The following DLGAP2 variants were observed in gnomAD, a reference collection of about 807,000 sequenced individuals.
DLGAP2 encodes disks large-associated protein 2.
DLGAP2 carries 26 observed loss-of-function variants against 100.3 expected under a neutral mutation model. The ratio of observed to expected loss-of-function variants is 0.26; its 90% CI spans 0.19 to 0.36. The LOEUF (loss-of-function observed/expected upper bound fraction) is 0.36, where lower values mean the gene tolerates loss of function less well. DLGAP2 is among the 10% of genes least tolerant of loss of function. DLGAP2 has a pLI of 1.00. For missense variants in DLGAP2, 1,858 were observed against 1,453.2 expected, an observed-to-expected ratio of 1.28 and a Z score of -4.53; for synonymous variants, 886 against 630.1, an observed-to-expected ratio of 1.41 and a Z score of -6.08.
chr8:1,189,881 G>C (rs1178395184), intron 2 of DLGAP2, among the ~76,000 whole-genome samples: 3 of 152,224 alleles, frequency 2.0e-5, no homozygotes, highest in Non-Finnish European at 2.9e-5. Flanking sequence ...AATCACAGAG[G>C]TGATGGGGGA....
intron 3 of DLGAP2, among the ~76,000 whole-genome samples, chr8:1,308,482 A>G (rs943783453): frequency 2.6e-5 from 4 of 152,174 alleles, no homozygotes; most frequent in Admixed American, 2.6e-4. Flanking sequence ...CATATAAAAA[A>G]CAGGAAAGTA....
intron 3 of DLGAP2, among the ~76,000 whole-genome samples, chr8:1,326,980 C>G (rs1477697005): frequency 6.6e-6 from 1 of 152,236 alleles, no homozygotes; most frequent in African/African-American, 2.4e-5. Flanking sequence ...AGCAATGACA[C>G]AGGCCTTGGG....
chr8:1,076,189 C>T (rs775676851), intron 2 of DLGAP2, among the ~76,000 whole-genome samples: 5 of 152,210 alleles, frequency 3.3e-5, no homozygotes, highest in African/African-American at 9.6e-5. Flanking sequence ...GTGAACCTGA[C>T]GTTCTCCGCC....
intron 2 of DLGAP2, among the ~76,000 whole-genome samples, chr8:1,159,289 T>C (rs991842619): frequency 7.2e-5 from 11 of 152,228 alleles, no homozygotes; most frequent in Admixed American, 6.5e-4. Flanking sequence ...CTCCTGTTGT[T>C]TAATCCTTTA....
At chr8:1,139,699 T>G (rs1268649232) in intron 2 of DLGAP2, among the ~76,000 whole-genome samples, 1 of 152,106 alleles carries the variant, frequency 6.6e-6, no homozygotes, top group Non-Finnish European at 1.5e-5. Context: ...CCTAGAACTG[T>G]GGCACCCGAC....
At chr8:1,225,032 A>C (rs1403593698) in intron 2 of DLGAP2, among the ~76,000 whole-genome samples, 1 of 152,254 alleles carries the variant, frequency 6.6e-6, no homozygotes, top group Admixed American at 6.5e-5. Flanking sequence ...AAAAGAGTTT[A>C]AGTTTTCACT....
At chr8:1,488,187 C>G (rs911384624) in intron 3 of DLGAP2, among the ~76,000 whole-genome samples, 2 of 152,154 alleles carry the variant, frequency 1.3e-5, no homozygotes, top group African/African-American at 4.8e-5. Flanking sequence ...GTCCTCCCCA[C>G]ACTGTCCTCC....
chr8:1,024,848 G>A (rs993593453), intron 2 of DLGAP2, among the ~76,000 whole-genome samples: 4 of 152,198 alleles, frequency 2.6e-5, no homozygotes, highest in Non-Finnish European at 5.9e-5. Context: ...GAACCGAGAT[G>A]TGACTCCATT....
At chr8:863,303 G>A (rs568051514) in intron 1 of DLGAP2, among the ~76,000 whole-genome samples, 16 of 152,324 alleles carry the variant, frequency 1.1e-4, no homozygotes, top group African/African-American at 3.6e-4. Context: ...TTCCTTGTAA[G>A]TAAACCCTCA....
chr8:1,185,115 G>A (rs1368303163), intron 2 of DLGAP2, among the ~76,000 whole-genome samples: 1 of 152,160 alleles, frequency 6.6e-6, no homozygotes, highest in East Asian at 1.9e-4. Context: ...TGGGGCAGAG[G>A]AGCACCCTGG....
chr8:1,337,374 G>C (rs1801304424), intron 3 of DLGAP2, among the ~76,000 whole-genome samples: 1 of 7,240 alleles, frequency 1.4e-4, no homozygotes, highest in Admixed American at 1.8e-3. Context: ...TGACAGTGAT[G>C]ATGATGGTGA....
intron 1 of DLGAP2, among the ~76,000 whole-genome samples, chr8:820,162 C>G (rs1291356575): frequency 5.9e-5 from 9 of 152,126 alleles, no homozygotes; most frequent in Admixed American, 5.9e-4. Context: ...ACTGGTTATC[C>G]ATTGGAGAAA....
At chr8:1,129,974 A>G (rs1796251930) in intron 2 of DLGAP2, among the ~76,000 whole-genome samples, 1 of 152,220 alleles carries the variant, frequency 6.6e-6, no homozygotes. Flanking sequence ...GAGTAAGGAC[A>G]GGCAGTTCTA....
At chr8:1,173,229 C>A (rs1021760180) in intron 2 of DLGAP2, among the ~76,000 whole-genome samples, 2 of 152,124 alleles carry the variant, frequency 1.3e-5, no homozygotes, top group Non-Finnish European at 2.9e-5. Flanking sequence ...GCTGCCTGAT[C>A]GTTCTTCTGG....
At chr8:1,098,114 T>G (rs1804449228) in intron 2 of DLGAP2, among the ~76,000 whole-genome samples, 1 of 152,258 alleles carries the variant, frequency 6.6e-6, no homozygotes. Flanking sequence ...TCAGCAAACG[T>G]TGGCGGCGCC....
chr8:892,586 T>C (rs563623209), intron 1 of DLGAP2, among the ~76,000 whole-genome samples: 24 of 152,014 alleles, frequency 1.6e-4, no homozygotes, highest in African/African-American at 4.1e-4. Flanking sequence ...AGAAAGCAAA[T>C]GTGTGGTTAA....
intron 3 of DLGAP2, among the ~76,000 whole-genome samples, chr8:1,274,094 A>G (rs1434316150): frequency 2.6e-5 from 4 of 152,202 alleles, no homozygotes; most frequent in Non-Finnish European, 5.9e-5. Flanking sequence ...GCATATCGGA[A>G]TTTGCAAGAG....
At chr8:1,437,410 C>T (rs1293574621) in intron 3 of DLGAP2, among the ~76,000 whole-genome samples, 1 of 152,212 alleles carries the variant, frequency 6.6e-6, no homozygotes, top group East Asian at 1.9e-4. Context: ...GTACTTATTA[C>T]TTGTAATGAT....
chr8:1,681,447 A>C lies in DLGAP2; in HGVS notation c.2704+2818A>C, dbSNP rs575620036. On this transcript the variant is annotated intron_variant, in intron 12 of 14. Transcript: ENST00000637795. Reference sequence around the variant, plus strand: ...CAGGAGTTTTAGACCAGCCTGGACAACACAGTGAGACCTTGTCTCTACCAA... The same window carrying C: ...CAGGAGTTTTAGACCAGCCTGGACACCACAGTGAGACCTTGTCTCTACCAA... Among the ~76,000 whole-genome samples the C allele has an allele frequency of 2.0e-5, 3 of 152,254 alleles. No individual in the cohort carries two copies. In the South Asian group the frequency reaches 6.2e-4, roughly 32 times the overall value.
Sources: gnomAD v4.1 joint callset for allele counts (sites outside exome capture counted in the v4.1 genomes callset) on GRCh38, gnomAD v4.1.1 for gene constraint, MANE v1.5 for transcripts, NCBI Gene and HGNC (gene_info 2026-07-23, HGNC 2026-07-21) for gene names.